Variants in STX18 observed in about 807,000 individuals in gnomAD.
The protein encoded by STX18 is syntaxin-18.
Under a neutral mutation model 50.1 loss-of-function variants are expected in STX18, and 40 were observed. That is an observed-to-expected ratio of 0.80 (90% confidence interval 0.62 to 1.04). STX18 has a LOEUF of 1.04. Ranked by LOEUF, STX18 falls within the 50% of genes least tolerant of loss-of-function variation. The probability of loss-of-function intolerance (pLI) is 0.00; values close to 1 mark genes in which losing one functional copy is unlikely to be tolerated. For missense variants in STX18, 410 were observed against 415.8 expected (o/e 0.99, Z 0.12); for synonymous variants, 158 against 151.8 (o/e 1.04, Z -0.30).
chr4:4,478,355 T>C (rs999056729), intron 1 of STX18, among the ~76,000 whole-genome samples: 2 of 151,868 alleles, frequency 1.3e-5, no homozygotes, highest in Non-Finnish European at 2.9e-5. Context: ...GAGAAGAAGG[T>C]TCACAAATAC....
In STX18 at chr4:4,422,238, A is replaced by G. The variant is rs529320549; in HGVS notation, c.831+1280T>C. Among the ~76,000 whole-genome samples, 20 of 152,148 alleles carry G rather than the reference A, an allele frequency of 1.3e-4. No homozygotes were observed. In the South Asian group the frequency reaches 3.3e-3, roughly 25 times the overall value. ...GAACTACAATGCAACACTGATGGAA[A>G]AAACAAGAAAGACACATTGTTCCTC... On this transcript the variant is annotated intron_variant, in intron 9 of 10. Coordinates refer to ENST00000306200, the MANE Select transcript of STX18 (RefSeq NM_016930.4).
chr4:4,441,131 G>A (rs942701142), intron 5 of STX18, among the ~76,000 whole-genome samples: 1 of 152,222 alleles, frequency 6.6e-6, no homozygotes, highest in African/African-American at 2.4e-5. Flanking sequence ...AAAGACTTTG[G>A]TGGAAGCTTC....
chr4:4,473,069 T>G (rs1728002039), intron 1 of STX18, among the ~76,000 whole-genome samples: 1 of 152,204 alleles, frequency 6.6e-6, no homozygotes, highest in Admixed American at 6.5e-5. Flanking sequence ...ATGGCCTATT[T>G]CTCTTCCCAA....
intron 1 of STX18, among the ~76,000 whole-genome samples, chr4:4,498,823 A>G (rs990594887): frequency 6.6e-6 from 1 of 152,234 alleles, no homozygotes; most frequent in Non-Finnish European, 1.5e-5. Flanking sequence ...GTGGACAACG[A>G]AAGAAACTAA....
intron 1 of STX18, among the ~76,000 whole-genome samples, chr4:4,520,624 C>T (rs914294080): frequency 1.3e-5 from 2 of 152,076 alleles, no homozygotes; most frequent in African/African-American, 4.8e-5. Context: ...TAAAATACAT[C>T]GTTGTACTTG....
At chr4:4,540,333 G>A (rs1338332000) in intron 1 of STX18, among the ~76,000 whole-genome samples, 1 of 152,186 alleles carries the variant, frequency 6.6e-6, no homozygotes, top group Non-Finnish European at 1.5e-5. Flanking sequence ...ACTCTGCAAT[G>A]ATACACAAAG....
intron 1 of STX18, among the ~76,000 whole-genome samples, chr4:4,539,061 G>T (rs993726673): frequency 6.6e-6 from 1 of 152,060 alleles, no homozygotes; most frequent in African/African-American, 2.4e-5. Flanking sequence ...GGAAGGTAGG[G>T]ACTGCAATAA....
At chr4:4,444,336 A>C (rs911018060) in intron 5 of STX18, among the ~76,000 whole-genome samples, 2 of 152,108 alleles carry the variant, frequency 1.3e-5, no homozygotes, top group Non-Finnish European at 2.9e-5. Flanking sequence ...ATCCCTACTG[A>C]AGTTAACAGG....
intron 7 of STX18, among the ~76,000 whole-genome samples, chr4:4,431,611 C>G (rs1322579090): frequency 6.6e-6 from 1 of 152,088 alleles, no homozygotes; most frequent in African/African-American, 2.4e-5. Context: ...TTCTCTAGCC[C>G]GAGCCCTGGA....
At chr4:4,489,391 A>ATCTTTTTTTTT in intron 1 of STX18, among the ~76,000 whole-genome samples, 1 of 51,600 alleles carries the variant, frequency 1.9e-5, no homozygotes, top group South Asian at 8.7e-4. Context: ...ATGCAAAATA[A>ATCTTTTTTTTT]TTTTTTTTTT....
At chr4:4,428,716 G>A (rs1234863467) in intron 7 of STX18, among the ~76,000 whole-genome samples, 9 of 152,130 alleles carry the variant, frequency 5.9e-5, no homozygotes, top group African/African-American at 1.9e-4. Flanking sequence ...TCCAGAGCTC[G>A]CTGAGCCTCA....
rs376637482 is a variant in STX18 at position 4,488,536 on chromosome 4, C to T, written c.169-16830G>A. ...AGGGCAAGAGTTACATCAATGTAGA[C>T]GAAATCTCCTACACAGCCCATCAAG... On this transcript the variant is annotated intron_variant, in intron 1 of 10. Transcript: ENST00000306200. 9.2e-5 allele frequency among the ~76,000 whole-genome samples: 14 copies of T among 152,254 alleles called. No individual in the cohort carries two copies. In the East Asian group the frequency reaches 9.7e-4, roughly 10 times the overall value.
At chr4:4,439,230 TAC>T (rs562109276) in intron 5 of STX18, among the ~76,000 whole-genome samples, 2 of 101,698 alleles carry the variant, frequency 2.0e-5, no homozygotes, top group Admixed American at 1.1e-4. Context: ...CCCCCACATA[TAC>T]ACACACACCA....
chr4:4,422,235 G>GA (rs58034308), intron 9 of STX18, among the ~76,000 whole-genome samples: 13,130 of 152,012 alleles, frequency 0.086, 906 homozygotes, highest in African/African-American at 0.19. Context: ...AACACTGATG[G>GA]AAAAAACAAG....
intron 1 of STX18, among the ~76,000 whole-genome samples, chr4:4,526,074 C>G (rs1730736807): frequency 6.6e-6 from 1 of 152,098 alleles, no homozygotes; most frequent in Admixed American, 6.5e-5. Flanking sequence ...GGTAGGCTAG[C>G]TTTATAAAGA....
intron 1 of STX18, among the ~76,000 whole-genome samples, chr4:4,490,368 G>C (rs1218095247): frequency 1.3e-5 from 2 of 152,136 alleles, no homozygotes; most frequent in Non-Finnish European, 2.9e-5. Flanking sequence ...AATTGGAGTT[G>C]TACTGAACAC....
intron 8 of STX18, among the ~76,000 whole-genome samples, chr4:4,424,246 G>T (rs886088170): frequency 6.6e-6 from 1 of 152,146 alleles, no homozygotes; most frequent in African/African-American, 2.4e-5. Context: ...AGAAACAGAA[G>T]CTGGCCCAAG....
At chr4:4,477,776 C>A (rs1012074378) in intron 1 of STX18, 1 of 152,198 alleles carries the variant, frequency 6.6e-6, no homozygotes, top group South Asian at 2.1e-4. Context: ...TGAGAAAAAG[C>A]CTCCACGTGG....
chr4:4,427,224 G>A (rs1725295080), intron 7 of STX18, among the ~76,000 whole-genome samples: 1 of 152,138 alleles, frequency 6.6e-6, no homozygotes, highest in Non-Finnish European at 1.5e-5. Context: ...AGACCCACCG[G>A]GCCAGAAAAC....
Sources: gnomAD v4.1 joint callset for allele counts (sites outside exome capture counted in the v4.1 genomes callset) on GRCh38, gnomAD v4.1.1 for gene constraint, MANE v1.5 for transcripts, NCBI Gene and HGNC (gene_info 2026-07-23, HGNC 2026-07-21) for gene names.